Variants in DNAAF5 observed in about 807,000 individuals in gnomAD.
DNAAF5 encodes the protein HEAT repeat containing 2.
In DNAAF5, 64 loss-of-function variants were observed where a neutral mutation model predicts 75.8. The observed-to-expected ratio is 0.84, with a 90% CI of 0.69 to 1.04. The LOEUF (loss-of-function observed/expected upper bound fraction) is 1.04. DNAAF5 is among the 50% of genes least tolerant of loss of function. DNAAF5 has a pLI of 0.00. For missense variants in DNAAF5, 1,269 were observed against 1,178.5 expected (o/e 1.08, Z -1.12); for synonymous variants, 657 against 557.2 (o/e 1.18, Z -2.52).
At chr7:772,369 C>T (rs781520679) in intron 9 of DNAAF5, 4 of 152,228 alleles carry the variant, frequency 2.6e-5, no homozygotes, top group African/African-American at 4.8e-5. Flanking sequence ...TGTCAGTGCT[C>T]AGATATGGTC....
At chr7:727,501 CCCT>C in intron 1 of DNAAF5, 186 bp downstream of exon 1, 1 of 312,320 alleles carries the variant, frequency 3.2e-6, no homozygotes, top group Non-Finnish European at 5.7e-6. Context: ...CCGCCCGGCC[CCCT>C]CCTCCCACCA....
chr7:759,840 A>ACC (rs1407496171), intron 6 of DNAAF5, among the ~76,000 whole-genome samples: 2 of 152,134 alleles, frequency 1.3e-5, no homozygotes, highest in Admixed American at 1.3e-4. Context: ...TTCTAAACGC[A>ACC]CCTGCCTTTT....
chr7:751,984 G>A (rs1477542951), intron 4 of DNAAF5, among the ~76,000 whole-genome samples: 2 of 152,172 alleles, frequency 1.3e-5, no homozygotes, highest in African/African-American at 4.8e-5. Flanking sequence ...CACAGCTGCC[G>A]AAACACTGGG....
intron 4 of DNAAF5, among the ~76,000 whole-genome samples, chr7:741,789 C>A (rs1781919912): frequency 6.6e-6 from 1 of 152,200 alleles, no homozygotes; most frequent in Non-Finnish European, 1.5e-5. Context: ...GCTGTGCACA[C>A]AAGGGTGCAT....
Position 770,597 on chromosome 7 carries a change from C to T in DNAAF5, c.1910C>T (p.Thr637Met), listed in dbSNP as rs776818388. ...CTGTCCACCGTGCTGCTCAGAGCCA[C>T]GGACACCATCAACTCCCAGGGGTAG... ...SILSTVLLRA[T>M]DTINSQGQFP... The change falls in exon 9 of 13, where the codon ACG (threonine) becomes ATG (methionine). Residue 637 changes from threonine (T) to methionine (M), a missense_variant. By Grantham distance (81) the Thr-to-Met change is moderately conservative. Transcript: ENST00000297440. The T allele has an allele frequency of 1.2e-5, 20 of 1,613,560 alleles. No individual in the cohort carries two copies. The highest frequency in any genetic ancestry group is 1.6e-4 in the Middle Eastern group (1 of 6,066).
rs572737521 is a variant in DNAAF5, at chr7:755,227, C to T, written c.1257+406C>T. Among the ~76,000 whole-genome samples the T allele has an allele frequency of 4.6e-5, 7 of 152,256 alleles. No individual in the cohort carries two copies. In the East Asian group the frequency reaches 1.2e-3, roughly 25 times the overall value. ...CGCAGGGGCTGTGGGAGCACCCAGACGGGGGATGATGGCACAGCTTCGGGT... is the reference window on the plus strand; with the variant it reads ...CGCAGGGGCTGTGGGAGCACCCAGATGGGGGATGATGGCACAGCTTCGGGT... On this transcript the variant is annotated intron_variant, in intron 5 of 12. Coordinates refer to ENST00000297440, the MANE Select transcript of DNAAF5 (RefSeq NM_017802.4).
intron 4 of DNAAF5, among the ~76,000 whole-genome samples, chr7:743,454 C>T (rs1223371693): frequency 1.3e-5 from 2 of 152,056 alleles, no homozygotes; most frequent in Admixed American, 6.6e-5. Context: ...GCCTACAGAG[C>T]CGTGGCTCCT....
Position 729,852 on chromosome 7 carries a change from C to G in DNAAF5, c.780+5C>G. 6.2e-7 allele frequency: 1 copy of G among 1,614,000 alleles called. No homozygotes were observed. The highest frequency in any genetic ancestry group is 8.5e-7 in the Non-Finnish European group (1 of 1,179,902). On this transcript the variant is annotated splice_donor_5th_base_variant and intron_variant, in intron 2 of 12. Coordinates refer to ENST00000297440, the MANE Select transcript of DNAAF5 (RefSeq NM_017802.4). ...CTGTTTGATGACGTCCCGCAGGTAA[C>G]TGGTGTTTCTCCTGGACAGTCTGTT... is the stretch of plus-strand genomic sequence containing the variant.
chr7:782,064 G>A (rs574340641), intron 12 of DNAAF5, among the ~76,000 whole-genome samples: 1 of 152,344 alleles, frequency 6.6e-6, no homozygotes, highest in African/African-American at 2.4e-5. Flanking sequence ...GCGCAGCTGC[G>A]TCCGGTTTCC....
chr7:759,025 G>A (rs950656812), intron 6 of DNAAF5, among the ~76,000 whole-genome samples: 10 of 152,114 alleles, frequency 6.6e-5, no homozygotes, highest in Non-Finnish European at 1.0e-4. Context: ...GCAAGAAAGG[G>A]TGAAGGTACT....
chr7:764,502 ACACGGCCCGCGCTGCTC>A (rs575959960), intron 8 of DNAAF5, among the ~76,000 whole-genome samples: 2 of 152,296 alleles, frequency 1.3e-5, no homozygotes, highest in South Asian at 4.1e-4. Context: ...GCCTTGGGAC[ACACGGCCCGCGCTGCTC>A]CACGGGCCGT....
intron 8 of DNAAF5, among the ~76,000 whole-genome samples, chr7:769,701 A>C (rs1019186829): frequency 1.3e-5 from 2 of 152,258 alleles, no homozygotes; most frequent in Non-Finnish European, 2.9e-5. Flanking sequence ...CTTGGTGCCC[A>C]GGCTGGAGTG....
chr7:751,068 C>G (rs1782276511), intron 4 of DNAAF5: 1 of 152,160 alleles, frequency 6.6e-6, no homozygotes, highest in South Asian at 2.1e-4. Flanking sequence ...GGAGAATTGC[C>G]TGAACTCAGG....
chr7:729,976 T>C, intron 2 of DNAAF5, 129 bp downstream of exon 2: 1 of 860,980 alleles, frequency 1.2e-6, no homozygotes, highest in Non-Finnish European at 1.8e-6. Flanking sequence ...TCATTATTCC[T>C]AGTCACAGGA....
At position 736,196 on chromosome 7, in the gene DNAAF5, A is replaced by G. The variant is rs539315240; in HGVS notation, c.781-4623A>G. On this transcript the variant is annotated intron_variant, in intron 2 of 12. Transcript: ENST00000297440. ...GTGTATTCTGTAGCTGTTGGATGCA[A>G]TGTTCTATAAATACCTATGAGGTCC... Among the ~76,000 whole-genome samples, 5 of 152,294 alleles carry G rather than the reference A, an allele frequency of 3.3e-5. No homozygotes were observed. In the East Asian group the frequency reaches 9.6e-4, roughly 29 times the overall value.
intron 11 of DNAAF5, among the ~76,000 whole-genome samples, chr7:777,154 G>A (rs1330696132): frequency 1.3e-5 from 2 of 152,150 alleles, no homozygotes; most frequent in Admixed American, 1.3e-4. Context: ...ATGTTACAAT[G>A]TAGTCATAGA....
chr7:780,214 G>A, intron 12 of DNAAF5, 70 bp downstream of exon 12: 1 of 1,460,416 alleles, frequency 6.8e-7, no homozygotes. Context: ...ATCTGTAGCT[G>A]AGCCGTGTGA....
chr7:736,299 T>C (rs535956786), intron 2 of DNAAF5, among the ~76,000 whole-genome samples: 194 of 152,360 alleles, frequency 1.3e-3, no homozygotes, highest in Middle Eastern at 3.4e-3. Flanking sequence ...GTACTGGAAG[T>C]GGGGCATTGA....
intron 12 of DNAAF5, among the ~76,000 whole-genome samples, chr7:784,706 G>T (rs1053379038): frequency 6.6e-6 from 1 of 152,168 alleles, no homozygotes; most frequent in South Asian, 2.1e-4. Context: ...CCTGGCCCGT[G>T]GGAGGTTTGC....
Sources: allele counts gnomAD v4.1 joint callset (sites outside exome capture counted in the v4.1 genomes callset), GRCh38; gene constraint gnomAD v4.1.1; transcripts MANE v1.5; gene names NCBI Gene and HGNC (gene_info 2026-07-23, HGNC 2026-07-21).